Variants in ALK observed in about 807,000 individuals in gnomAD.
The protein encoded by ALK is ALK tyrosine kinase receptor.
ALK carries 74 observed loss-of-function variants against 163.1 expected under a neutral mutation model. The ratio of observed to expected loss-of-function variants is 0.45; its 90% CI spans 0.38 to 0.55. The LOEUF (loss-of-function observed/expected upper bound fraction) is 0.55. Among genes scored for constraint, ALK ranks in the 20% least tolerant of loss-of-function variants. The pLI is 0.00. For synonymous variants in ALK, 960 were observed against 843.2 expected, an observed-to-expected ratio of 1.14 and a Z score of -2.40; for missense variants, 2,063 against 2,105.3, an observed-to-expected ratio of 0.98 and a Z score of 0.39.
At chr2:29,294,599 T>G (rs1372344478) in intron 9 of ALK, among the ~76,000 whole-genome samples, 1 of 152,234 alleles carries the variant, frequency 6.6e-6, no homozygotes, top group African/African-American at 2.4e-5. Flanking sequence ...GCTATTTGTT[T>G]AATAAATTAT....
At chr2:29,486,641 T>C (rs560479937) in intron 4 of ALK, among the ~76,000 whole-genome samples, 23 of 152,254 alleles carry the variant, frequency 1.5e-4, no homozygotes, top group African/African-American at 5.3e-4. Context: ...CATGGAAAAA[T>C]ATTCACTGAT....
chr2:29,557,769 T>G (rs1337294773), intron 3 of ALK, among the ~76,000 whole-genome samples: 2 of 152,074 alleles, frequency 1.3e-5, no homozygotes, highest in African/African-American at 4.8e-5. Context: ...AAGGTATACA[T>G]AGGTCCTAAG....
chr2:29,250,595 C>T (rs1217113033), intron 12 of ALK, among the ~76,000 whole-genome samples: 1 of 152,118 alleles, frequency 6.6e-6, no homozygotes, highest in African/African-American at 2.4e-5. Context: ...GATCTCGTTC[C>T]AGCCTGGCTC....
intron 5 of ALK, among the ~76,000 whole-genome samples, chr2:29,377,474 CAAAA>C (rs372035289): frequency 8.4e-6 from 1 of 119,038 alleles, no homozygotes; most frequent in African/African-American, 3.2e-5. Flanking sequence ...GACTACATCT[CAAAA>C]AAAAAAAAAA....
chr2:29,823,364 G>A (rs1230915650), intron 1 of ALK, among the ~76,000 whole-genome samples: 1 of 152,184 alleles, frequency 6.6e-6, no homozygotes, highest in Non-Finnish European at 1.5e-5. Context: ...CTGCTGAAAA[G>A]ATACACAAAA....
chr2:29,361,115 G>T (rs540319911), intron 5 of ALK, among the ~76,000 whole-genome samples: 2 of 152,220 alleles, frequency 1.3e-5, no homozygotes, highest in Non-Finnish European at 1.5e-5. Context: ...ATGAATCCAC[G>T]AGCAGATCGC....
intron 4 of ALK, among the ~76,000 whole-genome samples, chr2:29,525,896 C>T (rs182739825): frequency 7.9e-5 from 12 of 151,720 alleles, no homozygotes; most frequent in Admixed American, 2.6e-4. Context: ...CTATGTTAAT[C>T]GCTGAAGGTC....
At chr2:29,379,231 G>A (rs765163462) in intron 5 of ALK, among the ~76,000 whole-genome samples, 6 of 152,152 alleles carry the variant, frequency 3.9e-5, no homozygotes, top group Non-Finnish European at 8.8e-5. Flanking sequence ...TCTTGCCTGT[G>A]CTGATTGTGT....
At chr2:29,409,641 C>T (rs534736314) in intron 4 of ALK, among the ~76,000 whole-genome samples, 7 of 152,322 alleles carry the variant, frequency 4.6e-5, no homozygotes, top group African/African-American at 1.7e-4. Flanking sequence ...ATGATCACCA[C>T]TGGCTGAGCC....
intron 3 of ALK, among the ~76,000 whole-genome samples, chr2:29,648,100 A>T (rs1458068994): frequency 6.6e-6 from 1 of 152,190 alleles, no homozygotes; most frequent in Non-Finnish European, 1.5e-5. Context: ...GAAAATTCTT[A>T]AAGTTCTCTG....
intron 4 of ALK, among the ~76,000 whole-genome samples, chr2:29,440,781 C>A: frequency 6.6e-6 from 1 of 152,186 alleles, no homozygotes; most frequent in African/African-American, 2.4e-5. Context: ...TCTTTGATGC[C>A]AAAGTGATCC....
At chr2:29,480,118 A>G (rs959386632) in intron 4 of ALK, among the ~76,000 whole-genome samples, 3 of 152,256 alleles carry the variant, frequency 2.0e-5, no homozygotes, top group Non-Finnish European at 2.9e-5. Context: ...CACAAGTTGC[A>G]AAAGAGATAT....
intron 1 of ALK, among the ~76,000 whole-genome samples, chr2:29,902,447 T>A (rs537430096): frequency 2.0e-5 from 3 of 152,284 alleles, no homozygotes; most frequent in African/African-American, 7.2e-5. Flanking sequence ...AGTCCCTACA[T>A]GCTAATCCAG....
chr2:29,696,045 A>C (rs921383826), intron 2 of ALK, among the ~76,000 whole-genome samples: 9 of 152,218 alleles, frequency 5.9e-5, no homozygotes, highest in African/African-American at 2.2e-4. Context: ...TACATACCCA[A>C]AGGTTTATAA....
chr2:29,490,656 C>T (rs995928843), intron 4 of ALK, among the ~76,000 whole-genome samples: 41 of 152,264 alleles, frequency 2.7e-4, no homozygotes, highest in African/African-American at 8.7e-4. Context: ...ATGGATGCCA[C>T]GGGCCTCTTT....
At chr2:29,870,814 T>G (rs1394281566) in intron 1 of ALK, among the ~76,000 whole-genome samples, 1 of 152,168 alleles carries the variant, frequency 6.6e-6, no homozygotes, top group Non-Finnish European at 1.5e-5. Flanking sequence ...TTTTGGTCAT[T>G]TTTTTAGGCA....
intron 9 of ALK, among the ~76,000 whole-genome samples, chr2:29,279,150 T>G (rs1326018489): frequency 6.6e-6 from 1 of 152,184 alleles, no homozygotes; most frequent in Non-Finnish European, 1.5e-5. Flanking sequence ...CGGCTGAGGC[T>G]GGAATGGTTT....
At chr2:29,605,443 G>T (rs146373538) in intron 3 of ALK, among the ~76,000 whole-genome samples, 1 of 152,356 alleles carries the variant, frequency 6.6e-6, no homozygotes, top group African/African-American at 2.4e-5. Flanking sequence ...TAGACTAAAT[G>T]TTCAAAATTC....
At chr2:29,707,157 G>A (rs1234606046) in intron 2 of ALK, among the ~76,000 whole-genome samples, 1 of 152,100 alleles carries the variant, frequency 6.6e-6, no homozygotes, top group Non-Finnish European at 1.5e-5. Flanking sequence ...GAAGGCTGGA[G>A]ATGAACTCTG....
Sources: gnomAD v4.1 joint callset for allele counts (sites outside exome capture counted in the v4.1 genomes callset) on GRCh38, gnomAD v4.1.1 for gene constraint, MANE v1.5 for transcripts, NCBI Gene and HGNC (gene_info 2026-07-23, HGNC 2026-07-21) for gene names.